Variants in MYO6 observed in about 807,000 individuals in gnomAD.
MYO6 encodes the protein unconventional myosin-VI.
A neutral mutation model predicts 178.7 loss-of-function variants in MYO6; 74 were observed. The observed-to-expected ratio is 0.41, with a 90% CI of 0.34 to 0.50. The LOEUF (loss-of-function observed/expected upper bound fraction) is 0.50, where lower values mean the gene tolerates loss of function less well. Ranked by LOEUF, MYO6 falls within the 20% of genes least tolerant of loss-of-function variation. The pLI, the probability that MYO6 is intolerant of heterozygous loss-of-function variation, is 0.09. For synonymous variants in MYO6, 477 were observed against 504.6 expected (o/e 0.95, Z 0.73); for missense variants, 1,330 against 1,547.4 (o/e 0.86, Z 2.36).
At chr6:75,885,520 C>T (rs1778359965) in intron 23 of MYO6, among the ~76,000 whole-genome samples, 2 of 151,956 alleles carry the variant, frequency 1.3e-5, no homozygotes, top group African/African-American at 4.8e-5. Flanking sequence ...ACGATCTCAG[C>T]TCACCGCAAG....
At chr6:75,911,953 T>G (rs1780788499) in intron 33 of MYO6, among the ~76,000 whole-genome samples, 1 of 152,042 alleles carries the variant, frequency 6.6e-6, no homozygotes, top group African/African-American at 2.4e-5. Flanking sequence ...AGAAAATGAC[T>G]AGCATTTTAA....
At chr6:75,797,337 C>G (rs1768967865) in intron 1 of MYO6, among the ~76,000 whole-genome samples, 1 of 152,194 alleles carries the variant, frequency 6.6e-6, no homozygotes, top group African/African-American at 2.4e-5. Context: ...AAGTGATCCA[C>G]CCGCCTTGGC....
intron 3 of MYO6, among the ~76,000 whole-genome samples, chr6:75,828,325 T>A (rs1026718441): frequency 6.6e-6 from 1 of 152,198 alleles, no homozygotes. Flanking sequence ...GAAAATTCAT[T>A]ACTTAAAAAT....
At chr6:75,876,447 C>T (rs961291381) in intron 20 of MYO6, among the ~76,000 whole-genome samples, 27 of 152,238 alleles carry the variant, frequency 1.8e-4, no homozygotes, top group African/African-American at 5.8e-4. Context: ...CTAACAAATA[C>T]TGGAAAATTA....
In MYO6 at chr6:75,794,745, AAAATAAAAAAAAAAAT is replaced by A. The variant is rs1443884689; in HGVS notation, c.-47-22752_-47-22737del. 1.9e-3 allele frequency among the ~76,000 whole-genome samples: 246 copies of A among 127,944 alleles called. 1 individual carries two copies. Among genetic ancestry groups the A allele is most frequent in the African/African-American group, 0.011 (238 of 21,992 alleles). 83.9% of individuals were successfully genotyped at this position (127,944 alleles called of 152,430 possible). On this transcript the variant is annotated intron_variant, in intron 1 of 34. Transcript: ENST00000369977. ...GGTTATATAAGCAAAAAAAATAAAA[AAAATAAAAAAAAAAAT>A]AAAATGTGCTCTTTTATCACCTAAT... is the stretch of plus-strand genomic sequence containing the variant.
chr6:75,875,958 G>A (rs562993507), intron 20 of MYO6, among the ~76,000 whole-genome samples: 12 of 152,214 alleles, frequency 7.9e-5, no homozygotes, highest in African/African-American at 2.4e-4. Context: ...AGCCTGGCCC[G>A]TGTGTCCCTA....
intron 1 of MYO6, among the ~76,000 whole-genome samples, chr6:75,798,139 C>T (rs943372848): frequency 3.3e-5 from 5 of 152,004 alleles, no homozygotes; most frequent in Non-Finnish European, 5.9e-5. Context: ...CTTTATAATC[C>T]ATCTTGAGTT....
intron 1 of MYO6, among the ~76,000 whole-genome samples, chr6:75,796,352 C>A (rs1293770762): frequency 6.6e-6 from 1 of 152,196 alleles, no homozygotes; most frequent in Admixed American, 6.5e-5. Context: ...TCTCAGTACA[C>A]CCTCCAGTCT....
At position 75,822,812 on chromosome 6, in the gene MYO6, C is replaced by G. The variant is rs1412350073; in HGVS notation, c.148C>G (p.Pro50Ala). The G allele has an allele frequency of 6.2e-7, 1 of 1,613,404 alleles. No homozygotes were observed. Among genetic ancestry groups the G allele is most frequent in the East Asian group, 2.2e-5 (1 of 44,750 alleles). The change falls in exon 3 of 35, where the codon CCT (proline) becomes GCT (alanine). Residue 50 changes from proline to alanine, a missense_variant. Physicochemically the swap from Pro to Ala is conservative, Grantham distance 27. This residue lies in a region of MYO6 where 116 missense variants were observed against 104.6 expected (regional missense o/e 1.11). Coordinates refer to ENST00000369977, the MANE Select transcript of MYO6 (RefSeq NM_004999.4). ...TTTGGCTCTCATAAACCAAGTGTTT[C>G]CTGCAGAAGAGGACAGTAAAAAAGA... ...TFLALINQVF[P>A]AEEDSKKDVE...
At chr6:75,812,098 A>G (rs1770752057) in intron 1 of MYO6, among the ~76,000 whole-genome samples, 1 of 152,120 alleles carries the variant, frequency 6.6e-6, no homozygotes, top group South Asian at 2.1e-4. Context: ...AGCTTACTGC[A>G]ACTTTGAACT....
At chr6:75,827,033 A>G (rs1174633030) in intron 3 of MYO6, among the ~76,000 whole-genome samples, 1 of 152,214 alleles carries the variant, frequency 6.6e-6, no homozygotes, top group African/African-American at 2.4e-5. Flanking sequence ...ACCATTGGTT[A>G]GGTGTTGAAT....
At chr6:75,760,939 T>C (rs915426220) in intron 1 of MYO6, among the ~76,000 whole-genome samples, 1 of 152,198 alleles carries the variant, frequency 6.6e-6, no homozygotes, top group Non-Finnish European at 1.5e-5. Flanking sequence ...AACTTTTCTC[T>C]TCTTCCTTGT....
At chr6:75,805,021 A>ATTTTTTTTTTTTTTT (rs58697772) in intron 1 of MYO6, among the ~76,000 whole-genome samples, 1 of 77,312 alleles carries the variant, frequency 1.3e-5, no homozygotes, top group African/African-American at 1.0e-4. Context: ...ATATATATAT[A>ATTTTTTTTTTTTTTT]TTTTTTTTTT....
intron 3 of MYO6, among the ~76,000 whole-genome samples, chr6:75,827,883 T>C (rs1772641031): frequency 6.6e-6 from 1 of 151,880 alleles, no homozygotes; most frequent in Admixed American, 6.6e-5. Flanking sequence ...AGAAGAGGAG[T>C]GGTTTTTGTC....
intron 1 of MYO6, among the ~76,000 whole-genome samples, chr6:75,769,709 G>T (rs1165660218): frequency 6.6e-6 from 1 of 152,168 alleles, no homozygotes; most frequent in East Asian, 1.9e-4. Context: ...AGACCATCCT[G>T]GCTAACACGG....
chr6:75,890,785 T>C (rs559188446), intron 26 of MYO6, among the ~76,000 whole-genome samples: 1 of 152,230 alleles, frequency 6.6e-6, no homozygotes, highest in African/African-American at 2.4e-5. Flanking sequence ...CTCTTACACC[T>C]GAGGATTTTC....
In MYO6 at chr6:75,873,146, T is replaced by C. The variant is rs1777282239; in HGVS notation, c.1984-61T>C. On this transcript the variant is annotated intron_variant, in intron 19 of 34. Transcript: ENST00000369977. ...ATGCTTTGAAAGTTGCAGGTATTCA[T>C]AGAAACAGAAAACTAAGAATGCTAT... is the stretch of plus-strand genomic sequence containing the variant. The C allele has an allele frequency of 2.3e-6, 3 of 1,310,962 alleles. No homozygotes were observed. The Admixed American group carries it at 5.2e-5, about 23-fold the overall frequency. 81.2% of individuals were successfully genotyped at this position (1,310,962 alleles called of 1,614,324 possible).
At chr6:75,758,041 G>A (rs144713758) in intron 1 of MYO6, among the ~76,000 whole-genome samples, 2,369 of 139,022 alleles carry the variant, frequency 0.017, 70 homozygotes, top group African/African-American at 0.06. Context: ...GCAGTAGCGC[G>A]ATCTTGGCTC....
At chr6:75,868,474 A>G (rs1279440455) in intron 18 of MYO6, among the ~76,000 whole-genome samples, 1 of 152,102 alleles carries the variant, frequency 6.6e-6, no homozygotes, top group Non-Finnish European at 1.5e-5. Flanking sequence ...AGAAAATATA[A>G]ATAAAGACAT....
Sources: gnomAD v4.1 joint callset for allele counts (sites outside exome capture counted in the v4.1 genomes callset) on GRCh38, gnomAD v4.1.1 for gene constraint, gnomAD v4.1.1 regional missense constraint, MANE v1.5 for transcripts, NCBI Gene and HGNC (gene_info 2026-07-23, HGNC 2026-07-21) for gene names.